Variants in ABLIM2 observed in about 807,000 individuals in gnomAD.
The protein encoded by ABLIM2 is actin-binding LIM protein 2.
In ABLIM2, 53 loss-of-function variants were observed where a neutral mutation model predicts 97.7. The observed-to-expected ratio is 0.54, with a 90% CI of 0.44 to 0.68. The LOEUF (loss-of-function observed/expected upper bound fraction) is 0.68. Among genes scored for constraint, ABLIM2 ranks in the 30% least tolerant of loss-of-function variants. The pLI, the probability that ABLIM2 is intolerant of heterozygous loss-of-function variation, is 0.00. For synonymous variants in ABLIM2, 361 were observed against 345.8 expected (o/e 1.04, Z -0.49); for missense variants, 835 against 867.2 (o/e 0.96, Z 0.47).
rs1275761966 is a variant in ABLIM2, at chr4:8,091,707, AATATAATT to A, written c.339-3431_339-3424del. Among the ~76,000 whole-genome samples, 28 of 69,870 alleles carry A rather than the reference AATATAATT, an allele frequency of 4.0e-4. 4 individuals carry two copies. The highest frequency in any genetic ancestry group is 1.7e-3 in the African/African-American group (27 of 15,884). The allele number at this position is 69,870 out of a possible 152,430, so 45.8% of individuals were successfully genotyped here. On this transcript the variant is annotated intron_variant, in intron 3 of 20. Transcript: ENST00000447017. ...TAATTATATATTATATAATATACAT[AATATAATT>A]ATATAATATATATTATATTAATATG...
chr4:8,031,924 T>C (rs1308743370), intron 10 of ABLIM2, among the ~76,000 whole-genome samples: 3 of 151,912 alleles, frequency 2.0e-5, no homozygotes, highest in African/African-American at 7.3e-5. Context: ...GGGGTTTCAC[T>C]ATGTTTTGGC....
intron 20 of ABLIM2, among the ~76,000 whole-genome samples, chr4:7,976,722 CATACACACACATACACATATGCAAAT>C (rs1733442045): frequency 6.6e-6 from 1 of 152,092 alleles, no homozygotes; most frequent in African/African-American, 2.4e-5. Context: ...TATCCATATG[CATACACACACATACACATATGCAAAT>C]ATGCACACAC....
Position 8,019,396 on chromosome 4 carries a change from G to A in ABLIM2, c.1423+222C>T, listed in dbSNP as rs983495538. On this transcript the variant is annotated intron_variant, in intron 14 of 20. Coordinates refer to ENST00000447017, the MANE Select transcript of ABLIM2 (RefSeq NM_001130083.2). The surrounding 1 kb of genome is among the most constrained non-coding windows in gnomAD (Gnocchi z 4.3). ...TGTGCATTAGCCTCGGCGTCGTAAC[G>A]CACAGAAGTTCCTTACTCAGACATA... is the stretch of plus-strand genomic sequence containing the variant. Among the ~76,000 whole-genome samples, 2 of 152,130 alleles carry A rather than the reference G, an allele frequency of 1.3e-5. No individual in the cohort carries two copies. The highest frequency in any genetic ancestry group is 1.3e-4 in the Admixed American group (2 of 15,270).
intron 1 of ABLIM2, among the ~76,000 whole-genome samples, chr4:8,126,663 A>G (rs896356448): frequency 6.6e-6 from 1 of 152,108 alleles, no homozygotes; most frequent in Admixed American, 6.5e-5. Flanking sequence ...ACACCGGGCC[A>G]GGCAGGTGCT....
chr4:8,085,643 T>A lies in ABLIM2; in HGVS notation c.454+2526A>T, dbSNP rs1823050744. On this transcript the variant is annotated intron_variant, in intron 4 of 20. Transcript: ENST00000447017. The surrounding 1 kb of genome is among the most constrained non-coding windows in gnomAD (Gnocchi z 6.1). ...CTGCAGCCCTGTCCACTCACGCAGGTCTGGGGGTGCCCACGCTGCAGCCCC... is the reference window on the plus strand; with the variant it reads ...CTGCAGCCCTGTCCACTCACGCAGGACTGGGGGTGCCCACGCTGCAGCCCC... 6.9e-6 allele frequency among the ~76,000 whole-genome samples: 1 copy of A among 144,776 alleles called. No homozygotes were observed. The highest frequency in any genetic ancestry group is 6.9e-5 in the Admixed American group (1 of 14,538). The allele number at this position is 144,776 out of a possible 152,430, so 95.0% of individuals were successfully genotyped here. A position where few individuals can be genotyped will look rare whatever the true frequency, so the allele number is the denominator to read the frequency against.
In ABLIM2 at chr4:8,085,017, G is replaced by T. The variant is rs1822426491; in HGVS notation, c.454+3152C>A. ...GGGGCAGAGCTTCAGGGACACAGGGGACCTCCCAACGAGAGTGGTGGGGAA... is the reference window on the plus strand; with the variant it reads ...GGGGCAGAGCTTCAGGGACACAGGGTACCTCCCAACGAGAGTGGTGGGGAA... On this transcript the variant is annotated intron_variant, in intron 4 of 20. Coordinates refer to ENST00000447017, the MANE Select transcript of ABLIM2 (RefSeq NM_001130083.2). The surrounding 1 kb of genome is among the most constrained non-coding windows in gnomAD (Gnocchi z 6.1). 1.3e-5 allele frequency among the ~76,000 whole-genome samples: 2 copies of T among 152,236 alleles called. No homozygotes were observed. Among genetic ancestry groups the T allele is most frequent in the Non-Finnish European group, 2.9e-5 (2 of 68,044 alleles).
rs777701065 is a variant in ABLIM2 at position 8,106,571 on chromosome 4, G to A, written c.77C>T (p.Thr26Met). 3.3e-5 allele frequency: 53 copies of A among 1,610,732 alleles called. No homozygotes were observed. The highest frequency in any genetic ancestry group is 9.3e-5 in the African/African-American group (7 of 74,878). ...CTCGCCCTTGCACACATTCCCACAC[G>A]TGTTGCACAGGATCGCCGTGCTGGG... ...KSPSTAILCN[T>M]CGNVCKGEVL... Residue 26 changes from threonine to methionine, a missense_variant, in exon 2 of 21, where the codon ACG becomes ATG. Thr to Met is a moderately conservative substitution (Grantham distance 81, BLOSUM62 -1). Coordinates refer to ENST00000447017, the MANE Select transcript of ABLIM2 (RefSeq NM_001130083.2).
At chr4:8,047,668 A>G (rs1037447770) in intron 8 of ABLIM2, among the ~76,000 whole-genome samples, 12 of 152,242 alleles carry the variant, frequency 7.9e-5, no homozygotes, top group African/African-American at 2.9e-4. Context: ...TTACTGGCCA[A>G]AATGATGGCT....
Position 8,060,940 on chromosome 4 carries a change from G to A in ABLIM2, c.763+27C>T, listed in dbSNP as rs760377762. The A allele has an allele frequency of 5.8e-6, 9 of 1,545,700 alleles. No homozygotes were observed. The Admixed American group carries it at 1.6e-4, about 27-fold the overall frequency. On this transcript the variant is annotated intron_variant, in intron 7 of 20. Transcript: ENST00000447017. Reference sequence around the variant, plus strand: ...AAGAGGGTAGTTCCTTGCTCTAGGGGACCAAACAACACATTTTAATTTGTA... The same window carrying A: ...AAGAGGGTAGTTCCTTGCTCTAGGGAACCAAACAACACATTTTAATTTGTA...
chr4:8,079,841 AT>A (rs1288630045), intron 5 of ABLIM2, among the ~76,000 whole-genome samples: 1 of 152,130 alleles, frequency 6.6e-6, no homozygotes, highest in Non-Finnish European at 1.5e-5. Context: ...TCCTGTGATG[AT>A]TTTGTTCCCA....
In ABLIM2 at chr4:8,019,600, G is replaced by A. The variant is rs779162383; in HGVS notation, c.1423+18C>T. The A allele has an allele frequency of 1.4e-5, 22 of 1,604,996 alleles. No individual in the cohort carries two copies. The highest frequency in any genetic ancestry group is 1.9e-5 in the Non-Finnish European group (22 of 1,176,408). ...GCATGCGGGGCAAACCACAGCAGCG[G>A]GAGGAATCCAACCGTACCATGCTGT... On this transcript the variant is annotated intron_variant, in intron 14 of 20. Coordinates refer to ENST00000447017, the MANE Select transcript of ABLIM2 (RefSeq NM_001130083.2). This position sits in a 1 kb window ranked among gnomAD's most constrained non-coding sequence, Gnocchi z 4.3.
At position 8,033,260 on chromosome 4, in the gene ABLIM2, G is replaced by A. The variant is rs1011247674; in HGVS notation, c.1047+2889C>T. Among the ~76,000 whole-genome samples the A allele has an allele frequency of 3.9e-5, 6 of 152,216 alleles. No individual in the cohort carries two copies. Among genetic ancestry groups the A allele is most frequent in the African/African-American group, 1.4e-4 (6 of 41,452 alleles). The stretch of plus-strand genomic sequence containing the variant: ...GGGGCCCAGAAAGAGCACAGCCCTT[G>A]TGAGGTGAGCAAGCATTGGGAAAGA... On this transcript the variant is annotated intron_variant, in intron 10 of 20. Transcript: ENST00000447017. The surrounding 1 kb of genome is among the most constrained non-coding windows in gnomAD (Gnocchi z 4.5).
chr4:8,129,824 C>T (rs1303894958), intron 1 of ABLIM2, among the ~76,000 whole-genome samples: 1 of 152,112 alleles, frequency 6.6e-6, no homozygotes, highest in Non-Finnish European at 1.5e-5. Context: ...GATCACCGGC[C>T]ACCCCCTCCC....
At chr4:8,089,566 C>G (rs1168367540) in intron 3 of ABLIM2, among the ~76,000 whole-genome samples, 3 of 151,856 alleles carry the variant, frequency 2.0e-5, no homozygotes, top group Non-Finnish European at 2.9e-5. Flanking sequence ...GAAACCTGGT[C>G]TCTACTAAAA....
intron 1 of ABLIM2, among the ~76,000 whole-genome samples, chr4:8,134,231 T>C (rs537470254): frequency 1.1e-4 from 16 of 152,310 alleles, no homozygotes; most frequent in Non-Finnish European, 1.6e-4. Flanking sequence ...GCCAACTCCC[T>C]TCCTGAGCTC....
At chr4:8,030,396 A>T (rs1348375216) in intron 10 of ABLIM2, among the ~76,000 whole-genome samples, 1 of 152,132 alleles carries the variant, frequency 6.6e-6, no homozygotes, top group East Asian at 1.9e-4. Flanking sequence ...GGCCCACCAC[A>T]GCTTGGCATG....
chr4:8,112,050 T>C lies in ABLIM2; in HGVS notation c.11-5413A>G, dbSNP rs1578107886. ...CAAGTCTCTAACTGTGATAATAACA[T>C]AGAACATAAACTCAAGTGCTAAGAA... On this transcript the variant is annotated intron_variant, in intron 1 of 20. Coordinates refer to ENST00000447017, the MANE Select transcript of ABLIM2 (RefSeq NM_001130083.2). This position sits in a 1 kb window ranked among gnomAD's most constrained non-coding sequence, Gnocchi z 4.2. Among the ~76,000 whole-genome samples the C allele has an allele frequency of 6.6e-6, 1 of 151,886 alleles. No individual in the cohort carries two copies. The highest frequency in any genetic ancestry group is 2.4e-5 in the African/African-American group (1 of 41,330).
chr4:7,988,767 T>C (rs190043935), intron 17 of ABLIM2, among the ~76,000 whole-genome samples: 7 of 152,278 alleles, frequency 4.6e-5, no homozygotes, highest in Non-Finnish European at 7.4e-5. Flanking sequence ...TTTTAAAGAC[T>C]AGAAAAGAGA....
intron 4 of ABLIM2, among the ~76,000 whole-genome samples, chr4:8,084,254 C>T (rs1368397937): frequency 6.6e-6 from 1 of 152,218 alleles, no homozygotes; most frequent in Non-Finnish European, 1.5e-5. Flanking sequence ...TAGACCGGGA[C>T]AGGCCTGCCA....
Sources: gnomAD v4.1 joint callset for allele counts (sites outside exome capture counted in the v4.1 genomes callset) on GRCh38, gnomAD v4.1.1 for gene constraint, Gnocchi (gnomAD v3.1) non-coding constraint, MANE v1.5 for transcripts, NCBI Gene and HGNC (gene_info 2026-07-23, HGNC 2026-07-21) for gene names.